Variants in CDH10 observed in about 807,000 individuals in gnomAD.
The protein encoded by CDH10 is cadherin-10.
CDH10 carries 30 observed loss-of-function variants against 73.1 expected under a neutral mutation model. The observed-to-expected ratio is 0.41, with a 90% CI of 0.31 to 0.56. The LOEUF (loss-of-function observed/expected upper bound fraction) is 0.56. CDH10 is among the 20% of genes least tolerant of loss of function. The pLI, the probability that CDH10 is intolerant of heterozygous loss-of-function variation, is 0.27. For missense variants in CDH10, 815 were observed against 973.7 expected, an observed-to-expected ratio of 0.84 and a Z score of 2.17; for synonymous variants, 345 against 348.2, an observed-to-expected ratio of 0.99 and a Z score of 0.10.
chr5:24,526,132 T>C (rs945545730), intron 5 of CDH10, among the ~76,000 whole-genome samples: 2 of 152,040 alleles, frequency 1.3e-5, no homozygotes, highest in African/African-American at 2.4e-5. Flanking sequence ...GCATAACTGG[T>C]TTTACATCTA....
chr5:24,616,833 G>A (rs1319192098), intron 1 of CDH10, among the ~76,000 whole-genome samples: 1 of 152,034 alleles, frequency 6.6e-6, no homozygotes, highest in Non-Finnish European at 1.5e-5. Context: ...AAATTATACT[G>A]GTCCTCAGAG....
intron 5 of CDH10, among the ~76,000 whole-genome samples, chr5:24,525,851 C>T (rs776676872): frequency 8.5e-5 from 13 of 152,170 alleles, no homozygotes; most frequent in Admixed American, 2.0e-4. Flanking sequence ...AAGCTTTCAG[C>T]GAAGCTGCCA....
At chr5:24,623,022 T>A (rs1413025613) in intron 1 of CDH10, among the ~76,000 whole-genome samples, 1 of 152,188 alleles carries the variant, frequency 6.6e-6, no homozygotes, top group African/African-American at 2.4e-5. Flanking sequence ...CAAAAAGTGT[T>A]GTTCTTATAA....
Position 24,529,399 on chromosome 5 carries a change from A to C in CDH10, c.814+5713T>G, listed in dbSNP as rs1048290669. Among the ~76,000 whole-genome samples, 3 of 151,964 alleles carry C rather than the reference A, an allele frequency of 2.0e-5. No individual in the cohort carries two copies. In the South Asian group the frequency reaches 6.2e-4, roughly 31 times the overall value. On this transcript the variant is annotated intron_variant, in intron 5 of 11. Coordinates refer to ENST00000264463, the MANE Select transcript of CDH10 (RefSeq NM_006727.5). Reference sequence around the variant, plus strand: ...TTCTCAGGAAGTAAGATCTTCCTTCAGTTTATTTGTATACTCAAAGTCTTC... The same window carrying C: ...TTCTCAGGAAGTAAGATCTTCCTTCCGTTTATTTGTATACTCAAAGTCTTC...
chr5:24,488,145 C>T lies in CDH10; in HGVS notation c.1885G>A (p.Val629Ile), dbSNP rs2111613494. The part of the protein sequence containing the change: ...LCIIILLVIV[V>I]LFAALKRQRK... Reference sequence around the variant, plus strand: ...TGTCTTTTCAGAGCTGCAAACAGTACTACTATAACTTGAAAAAAGACAAGA... The same window carrying T: ...TGTCTTTTCAGAGCTGCAAACAGTATTACTATAACTTGAAAAAAGACAAGA... Residue 629 changes from valine to isoleucine, a missense_variant, in exon 12 of 12, where the codon GTA becomes ATA. Val to Ile is a conservative substitution (Grantham distance 29). Transcript: ENST00000264463. 1.3e-6 allele frequency: 2 copies of T among 1,596,160 alleles called. No homozygotes were observed. Among genetic ancestry groups the T allele is most frequent in the Non-Finnish European group, 8.5e-7 (1 of 1,173,786 alleles).
intron 2 of CDH10, among the ~76,000 whole-genome samples, chr5:24,584,445 CTTTTT>C (rs34192671): frequency 0.047 from 1,311 of 28,184 alleles, 31 homozygotes; most frequent in Non-Finnish European, 0.082. Flanking sequence ...CTTTCTTTTC[CTTTTT>C]TTTTTTTTTT....
At chr5:24,510,156 G>A (rs953749262) in intron 6 of CDH10, among the ~76,000 whole-genome samples, 2 of 152,160 alleles carry the variant, frequency 1.3e-5, no homozygotes, top group Non-Finnish European at 2.9e-5. Context: ...GAATGTGCAC[G>A]TGCAAAGGTG....
intron 2 of CDH10, among the ~76,000 whole-genome samples, chr5:24,564,247 T>A (rs1745084666): frequency 6.6e-6 from 1 of 152,240 alleles, no homozygotes; most frequent in East Asian, 1.9e-4. Context: ...TTTTTGTTGT[T>A]GTTGAGATAG....
intron 2 of CDH10, among the ~76,000 whole-genome samples, chr5:24,569,834 C>G (rs1745306717): frequency 6.6e-6 from 1 of 151,618 alleles, no homozygotes; most frequent in South Asian, 2.1e-4. Flanking sequence ...GTGATCTTTG[C>G]TCACTGCAAC....
At chr5:24,618,946 T>C (rs146021611) in intron 1 of CDH10, among the ~76,000 whole-genome samples, 1 of 152,298 alleles carries the variant, frequency 6.6e-6, no homozygotes, top group Admixed American at 6.5e-5. Context: ...AATAATTATT[T>C]TAATTGTTTT....
chr5:24,535,678 C>A, intron 4 of CDH10, 25 bp downstream of exon 4: 4 of 1,593,876 alleles, frequency 2.5e-6, no homozygotes, highest in Non-Finnish European at 3.4e-6. Flanking sequence ...ATCAAATGAA[C>A]AAACAGCAAT....
intron 1 of CDH10, among the ~76,000 whole-genome samples, chr5:24,633,476 C>A (rs1747769740): frequency 6.6e-6 from 1 of 151,850 alleles, no homozygotes; most frequent in Admixed American, 6.6e-5. Context: ...GGTATTAGTT[C>A]TCTGCTTTTC....
Position 24,554,117 on chromosome 5 carries a change from G to A in CDH10, c.232-16443C>T, listed in dbSNP as rs138875422. The A allele has an allele frequency of 3.2e-3, 133 of 41,830 alleles. 27 individuals are homozygous for A. Among genetic ancestry groups the A allele is most frequent in the Admixed American group, 4.1e-3 (17 of 4,100 alleles). 2.6% of individuals were successfully genotyped at this position (41,830 alleles called of 1,614,324 possible). A position where few individuals can be genotyped will look rare whatever the true frequency, so the allele number is the denominator to read the frequency against. ...AGAGAGAAGGGGAGGTGGGCGGGGG[G>A]GGGAGAGAGAGAGACATTCAATCAG... On this transcript the variant is annotated intron_variant, in intron 2 of 11. Transcript: ENST00000264463.
intron 2 of CDH10, among the ~76,000 whole-genome samples, chr5:24,574,785 T>C (rs1745536244): frequency 1.5e-5 from 1 of 65,252 alleles, no homozygotes; most frequent in Non-Finnish European, 5.7e-5. Context: ...TTAGAGTTAA[T>C]GGGCAAATAC....
At chr5:24,543,056 C>G (rs1744217242) in intron 2 of CDH10, among the ~76,000 whole-genome samples, 1 of 151,948 alleles carries the variant, frequency 6.6e-6, no homozygotes, top group African/African-American at 2.4e-5. Context: ...AATCAATCTA[C>G]AAAGTACAGG....
At chr5:24,549,921 AG>A (rs1347452215) in intron 2 of CDH10, among the ~76,000 whole-genome samples, 1 of 152,196 alleles carries the variant, frequency 6.6e-6, no homozygotes, top group African/African-American at 2.4e-5. Context: ...GTATCAAAAT[AG>A]GTTTCAAAGA....
chr5:24,568,944 A>T (rs114012942), intron 2 of CDH10, among the ~76,000 whole-genome samples: 2,211 of 151,956 alleles, frequency 0.015, 62 homozygotes, highest in African/African-American at 0.051. Context: ...ACCCTGTCTC[A>T]ACTAAAAATT....
intron 1 of CDH10, among the ~76,000 whole-genome samples, chr5:24,600,488 T>C (rs940353166): frequency 1.3e-5 from 2 of 149,242 alleles, no homozygotes; most frequent in South Asian, 2.1e-4. Flanking sequence ...GAATTAACAA[T>C]GGGAATCCAT....
chr5:24,577,962 C>A (rs1434866353), intron 2 of CDH10, among the ~76,000 whole-genome samples: 1 of 152,118 alleles, frequency 6.6e-6, no homozygotes, highest in Non-Finnish European at 1.5e-5. Context: ...ATACTGTCAC[C>A]ATTCTTCAGC....
Sources: gnomAD v4.1 joint callset for allele counts (sites outside exome capture counted in the v4.1 genomes callset) on GRCh38, gnomAD v4.1.1 for gene constraint, MANE v1.5 for transcripts, NCBI Gene and HGNC (gene_info 2026-07-23, HGNC 2026-07-21) for gene names.